Variants in REV3L observed in about 807,000 individuals in gnomAD.
REV3L encodes the protein REV3 like, DNA directed polymerase zeta catalytic subunit.
Under a neutral mutation model 299.4 loss-of-function variants are expected in REV3L, and 69 were observed. The ratio of observed to expected loss-of-function variants is 0.23; its 90% CI spans 0.19 to 0.28. The LOEUF (loss-of-function observed/expected upper bound fraction) is 0.28. REV3L is among the 10% of genes least tolerant of loss of function. The pLI is 1.00. For missense variants in REV3L, 3,128 were observed against 3,693.8 expected (o/e 0.85, Z 3.97); for synonymous variants, 1,238 against 1,271.4 (o/e 0.97, Z 0.56).
intron 1 of REV3L, among the ~76,000 whole-genome samples, chr6:111,445,017 C>A (rs1788677632): frequency 6.6e-6 from 1 of 152,216 alleles, no homozygotes; most frequent in African/African-American, 2.4e-5. Flanking sequence ...CAACCGATCA[C>A]CTCATCGTTT....
intron 1 of REV3L, among the ~76,000 whole-genome samples, chr6:111,459,986 T>G (rs1052889632): frequency 6.6e-6 from 1 of 152,216 alleles, no homozygotes; most frequent in African/African-American, 2.4e-5. Flanking sequence ...ATCACAGCAC[T>G]ATTCACAACA....
chr6:111,365,576 C>G (rs558649084), intron 14 of REV3L, among the ~76,000 whole-genome samples: 1 of 151,852 alleles, frequency 6.6e-6, no homozygotes, highest in African/African-American at 2.4e-5. Context: ...AATTTTATAC[C>G]TCAGTCATTA....
chr6:111,310,379 G>A (rs993119072), intron 29 of REV3L: 7 of 221,972 alleles, frequency 3.2e-5, no homozygotes, highest in Non-Finnish European at 5.2e-5. Flanking sequence ...TGTATTTTAG[G>A]TGGGAGTGGT....
intron 1 of REV3L, among the ~76,000 whole-genome samples, chr6:111,441,309 G>A (rs1342640342): frequency 6.6e-6 from 1 of 152,154 alleles, no homozygotes; most frequent in East Asian, 1.9e-4. Flanking sequence ...CTGGAGTGCA[G>A]TGGCGTGATC....
chr6:111,478,991 T>C (rs925277897), intron 1 of REV3L, among the ~76,000 whole-genome samples: 18 of 152,240 alleles, frequency 1.2e-4, no homozygotes, highest in African/African-American at 4.3e-4. Context: ...AGGATAGTTC[T>C]GTTTAACCTG....
At chr6:111,306,848 T>C (rs1424440270) in intron 31 of REV3L, among the ~76,000 whole-genome samples, 1 of 152,252 alleles carries the variant, frequency 6.6e-6, no homozygotes, top group African/African-American at 2.4e-5. Context: ...TTCTTTTTAA[T>C]ACTGTAGATT....
intron 9 of REV3L, among the ~76,000 whole-genome samples, chr6:111,386,849 G>T (rs2128250651): frequency 6.6e-6 from 1 of 151,268 alleles, no homozygotes; most frequent in African/African-American, 2.4e-5. Context: ...AGCCTCCTGA[G>T]TAGCTGGGAT....
intron 3 of REV3L, among the ~76,000 whole-genome samples, chr6:111,408,363 G>T (rs948379810): frequency 6.6e-6 from 1 of 152,118 alleles, no homozygotes; most frequent in Non-Finnish European, 1.5e-5. Context: ...AGCACTTTGG[G>T]AGCCTGAGGT....
chr6:111,307,207 T>C (rs1055568771), intron 31 of REV3L, among the ~76,000 whole-genome samples, 154 bp downstream of exon 31: 1 of 152,226 alleles, frequency 6.6e-6, no homozygotes, highest in Non-Finnish European at 1.5e-5. Flanking sequence ...TAATAGTTTA[T>C]GATATTTTTG....
chr6:111,391,907 T>C (rs932811022), intron 5 of REV3L, among the ~76,000 whole-genome samples: 13 of 152,348 alleles, frequency 8.5e-5, no homozygotes, highest in African/African-American at 2.6e-4. Context: ...GAGGATCACT[T>C]GAGCCCAGAA....
intron 27 of REV3L, 126 bp downstream of exon 27, chr6:111,315,141 A>C (rs1016895469): frequency 2.7e-6 from 2 of 752,842 alleles, no homozygotes; most frequent in Non-Finnish European, 4.2e-6. Flanking sequence ...TGAGCCAGTG[A>C]CCCAAATTTA....
chr6:111,422,654 ATATATATACATATATATATATATACG>A (rs1562287749), intron 1 of REV3L, among the ~76,000 whole-genome samples: 2,137 of 39,214 alleles, frequency 0.054, 487 homozygotes, highest in Non-Finnish European at 0.11. Context: ...ATATACATAT[ATATATATACATATATATATATATACG>A]TATATATATA....
chr6:111,300,019 A>C lies in REV3L; in HGVS notation c.9390T>G (p.Phe3130Leu). 3.1e-6 allele frequency: 5 copies of C among 1,611,586 alleles called. No individual in the cohort carries two copies. The highest frequency in any genetic ancestry group is 4.2e-6 in the Non-Finnish European group (5 of 1,179,092). Reference protein sequence around the residue: ...APYLRQLLDQF With the variant: ...APYLRQLLDQL ...GTAATACTGTGATATTGACAATTTA[A>C]AACTGGTCTAATAACTGCCGGAGAT... The change falls in exon 32 of 32, where the codon TTT (phenylalanine) becomes TTG (leucine). Residue 3130 changes from phenylalanine to leucine, a missense_variant. By Grantham distance (22) the Phe-to-Leu change is conservative. This residue lies in a region of REV3L where 294 missense variants were observed against 377.0 expected (regional missense o/e 0.78). Coordinates refer to ENST00000368802, the MANE Select transcript of REV3L (RefSeq NM_001372078.1).
At chr6:111,438,513 A>C (rs1250044575) in intron 1 of REV3L, among the ~76,000 whole-genome samples, 1 of 151,826 alleles carries the variant, frequency 6.6e-6, no homozygotes, top group Non-Finnish European at 1.5e-5. Context: ...TTAAAAAAAA[A>C]AAAAAAGAGG....
In REV3L at chr6:111,375,566, T is replaced by A; in HGVS notation, c.2789A>T (p.Glu930Val). The A allele has an allele frequency of 1.2e-6, 2 of 1,613,814 alleles. No homozygotes were observed. The highest frequency in any genetic ancestry group is 1.7e-6 in the Non-Finnish European group (2 of 1,179,896). Residue 930 changes from glutamate to valine, a missense_variant, in exon 13 of 32, where the codon GAA becomes GTA. Coordinates refer to ENST00000368802, the MANE Select transcript of REV3L (RefSeq NM_001372078.1). Reference sequence around the variant, plus strand: ...AGTTACAAAACTTGACTCACTGTCTTCAGTCTCATAATTTACCTTGCGTTT... The same window carrying A: ...AGTTACAAAACTTGACTCACTGTCTACAGTCTCATAATTTACCTTGCGTTT... ...RAKRKVNYETEDSESSFVTHN... is the reference protein window; with the variant it reads ...RAKRKVNYETVDSESSFVTHN...
chr6:111,365,411 T>C lies in REV3L; in HGVS notation c.6674-67A>G, dbSNP rs961607884. The C allele has an allele frequency of 3.4e-6, 3 of 885,928 alleles. No homozygotes were observed. In the African/African-American group the frequency reaches 5.2e-5, roughly 15 times the overall value. The allele number at this position is 885,928 out of a possible 1,614,324, so 54.9% of individuals were successfully genotyped here. A position where few individuals can be genotyped will look rare whatever the true frequency, so the allele number is the denominator to read the frequency against. ...ACCTGCTTCTGGTTTTTAAAAAACC[T>C]TTTGTTGTTCCAAACACTTAAGTAC... On this transcript the variant is annotated intron_variant, in intron 14 of 31. Transcript: ENST00000368802.
At position 111,374,074 on chromosome 6, in the gene REV3L, C is replaced by T; in HGVS notation, c.4281G>A (p.Gln1427=). The T allele has an allele frequency of 6.2e-7, 1 of 1,614,122 alleles. No individual in the cohort carries two copies. The highest frequency in any genetic ancestry group is 8.5e-7 in the Non-Finnish European group (1 of 1,179,964). The change falls in exon 13 of 32, where the codon CAG becomes CAA. Residue 1427 remains glutamine, a synonymous_variant. Transcript: ENST00000368802. Reference sequence around the variant, plus strand: ...ACTGTTCCGCTATGCACACAATCTGCTGCTGACTGTCTTTGCAATGCAAAA... The same window carrying T: ...ACTGTTCCGCTATGCACACAATCTGTTGCTGACTGTCTTTGCAATGCAAAA... ...PNFLHCKDSQ[Q]QIVCIAEQSK...
intron 1 of REV3L, among the ~76,000 whole-genome samples, chr6:111,458,777 C>A (rs1790435318): frequency 6.6e-6 from 1 of 151,852 alleles, no homozygotes; most frequent in Non-Finnish European, 1.5e-5. Context: ...CTTAAAGAAT[C>A]AGAAATGACA....
chr6:111,305,420 A>G (rs976378516), intron 31 of REV3L, among the ~76,000 whole-genome samples: 1 of 151,750 alleles, frequency 6.6e-6, no homozygotes, highest in Non-Finnish European at 1.5e-5. Flanking sequence ...GTGAGACCCG[A>G]TGTCTAAAAA....
Sources: gnomAD v4.1 joint callset for allele counts (sites outside exome capture counted in the v4.1 genomes callset) on GRCh38, gnomAD v4.1.1 for gene constraint, gnomAD v4.1.1 regional missense constraint, MANE v1.5 for transcripts, NCBI Gene and HGNC (gene_info 2026-07-23, HGNC 2026-07-21) for gene names.